The following TRAF3 variants were observed in gnomAD, a reference collection of about 807,000 sequenced individuals.
The protein encoded by TRAF3 is TNF receptor associated factor 3, also known as TNF receptor-associated factor 3.
Under a neutral mutation model 62.3 loss-of-function variants are expected in TRAF3, and 13 were observed. The ratio of observed to expected loss-of-function variants is 0.21; its 90% CI spans 0.14 to 0.33. TRAF3 has a LOEUF of 0.33. Ranked by LOEUF, TRAF3 falls within the 10% of genes least tolerant of loss-of-function variation. TRAF3 has a pLI of 1.00. For missense variants in TRAF3, 440 were observed against 741.8 expected (o/e 0.59, Z 4.73); for synonymous variants, 269 against 283.4 (o/e 0.95, Z 0.51).
intron 6 of TRAF3, among the ~76,000 whole-genome samples, chr14:102,879,539 G>A (rs1381228317): frequency 5.3e-5 from 8 of 152,064 alleles, no homozygotes; most frequent in African/African-American, 1.2e-4. Flanking sequence ...GATTATAGGC[G>A]TGAGCCATCG....
intron 1 of TRAF3, among the ~76,000 whole-genome samples, chr14:102,783,619 G>A (rs943907560): frequency 3.3e-5 from 5 of 152,100 alleles, no homozygotes; most frequent in African/African-American, 9.7e-5. Context: ...ACTCAGTAAC[G>A]TGGCTGATTG....
chr14:102,884,748 G>T (rs1028352376), intron 6 of TRAF3, among the ~76,000 whole-genome samples: 2 of 151,864 alleles, frequency 1.3e-5, no homozygotes, highest in African/African-American at 4.8e-5. Context: ...GGAGGCGGAG[G>T]TTGCTGTGAG....
intron 6 of TRAF3, among the ~76,000 whole-genome samples, chr14:102,877,086 C>A (rs1157963381): frequency 6.7e-6 from 1 of 150,184 alleles, no homozygotes; most frequent in Admixed American, 6.6e-5. Flanking sequence ...GTTCCACAGA[C>A]CTTGTGCTCG....
chr14:102,811,943 T>TTTTTTTTTTTG (rs1899206392), intron 1 of TRAF3, among the ~76,000 whole-genome samples: 2 of 130,776 alleles, frequency 1.5e-5, no homozygotes, highest in Non-Finnish European at 3.1e-5. Flanking sequence ...TTTTTTTTTT[T>TTTTTTTTTTTG]GTACAGACAG....
intron 2 of TRAF3, among the ~76,000 whole-genome samples, chr14:102,862,320 T>C (rs1887723560): frequency 6.7e-6 from 1 of 149,662 alleles, no homozygotes; most frequent in South Asian, 2.1e-4. Flanking sequence ...GATTGCTTGA[T>C]CCCAGGAGTT....
intron 6 of TRAF3, among the ~76,000 whole-genome samples, chr14:102,881,189 G>A (rs946771757): frequency 1.3e-5 from 2 of 152,102 alleles, no homozygotes; most frequent in Non-Finnish European, 2.9e-5. Context: ...TTCAAGACCA[G>A]CCTGGCCAAC....
At chr14:102,780,232 G>A (rs1261200611) in intron 1 of TRAF3, among the ~76,000 whole-genome samples, 1 of 152,164 alleles carries the variant, frequency 6.6e-6, no homozygotes, top group Admixed American at 6.5e-5. Flanking sequence ...GAGAGGTACA[G>A]GGGATAGGTG....
At chr14:102,902,338 T>C (rs1043260704) in intron 10 of TRAF3, among the ~76,000 whole-genome samples, 5 of 152,154 alleles carry the variant, frequency 3.3e-5, no homozygotes, top group African/African-American at 1.2e-4. Context: ...CTTGGGGCCC[T>C]TTCCTGCCAC....
chr14:102,808,540 C>T (rs1898916053), intron 1 of TRAF3, among the ~76,000 whole-genome samples: 1 of 151,192 alleles, frequency 6.6e-6, no homozygotes, highest in Non-Finnish European at 1.5e-5. Context: ...AAAGAAGAAC[C>T]ATACTAGTCA....
chr14:102,810,953 A>G (rs1242459429), intron 1 of TRAF3, among the ~76,000 whole-genome samples: 1 of 152,212 alleles, frequency 6.6e-6, no homozygotes, highest in Non-Finnish European at 1.5e-5. Flanking sequence ...ATCAAGAAGG[A>G]ATTCTTCAGG....
chr14:102,891,357 C>A lies in TRAF3; in HGVS notation c.759C>A (p.Ala253=). The stretch of plus-strand genomic sequence containing the variant: ...ACCAGCAGATCAAGGCCCACGAGGC[C>A]AGCTCCGCCGTGCAGCACGTCAACC... ...GTNQQIKAHE[A]SSAVQHVNLL... Residue 253 remains alanine (A), a synonymous_variant, in exon 9 of 12, where the codon GCC becomes GCA. Transcript: ENST00000392745. 1 of 1,613,542 alleles carries A rather than the reference C, an allele frequency of 6.2e-7. No homozygotes were observed. Among genetic ancestry groups the A allele is most frequent in the Non-Finnish European group, 8.5e-7 (1 of 1,179,910 alleles).
At chr14:102,880,815 C>T (rs193095073) in intron 6 of TRAF3, among the ~76,000 whole-genome samples, 50 of 152,316 alleles carry the variant, frequency 3.3e-4, no homozygotes, top group South Asian at 4.1e-4. Context: ...CCGTGGCTTA[C>T]GCCTATAATC....
chr14:102,782,673 C>T (rs1897315451), intron 1 of TRAF3, among the ~76,000 whole-genome samples: 1 of 150,424 alleles, frequency 6.6e-6, no homozygotes, highest in Non-Finnish European at 1.5e-5. Context: ...TTTTTTACTA[C>T]GATTTGTTCC....
chr14:102,867,481 C>T (rs1468738981), intron 2 of TRAF3, among the ~76,000 whole-genome samples: 1 of 152,062 alleles, frequency 6.6e-6, no homozygotes, highest in Non-Finnish European at 1.5e-5. Flanking sequence ...GGGAAAAGCA[C>T]AGAGCGGTAT....
At chr14:102,781,850 T>C (rs1897287382) in intron 1 of TRAF3, among the ~76,000 whole-genome samples, 1 of 150,168 alleles carries the variant, frequency 6.7e-6, no homozygotes, top group Non-Finnish European at 1.5e-5. Context: ...TGAAGTGCAG[T>C]GGCGCGATCT....
intron 2 of TRAF3, among the ~76,000 whole-genome samples, chr14:102,832,122 A>G (rs567245049): frequency 6.6e-6 from 1 of 152,100 alleles, no homozygotes; most frequent in East Asian, 1.9e-4. Context: ...AATTGTATAT[A>G]TATTTATCAT....
intron 2 of TRAF3, among the ~76,000 whole-genome samples, chr14:102,851,966 G>A (rs1420380950): frequency 6.6e-6 from 1 of 151,110 alleles, no homozygotes; most frequent in Admixed American, 6.6e-5. Context: ...GAGGCAGGAG[G>A]ATCGCTTCAG....
Position 102,792,259 on chromosome 14 carries a change from G to A in TRAF3, c.-157+14584G>A, listed in dbSNP as rs567144719. Among the ~76,000 whole-genome samples the A allele has an allele frequency of 1.2e-3, 178 of 151,174 alleles. 2 individuals are homozygous for A. Among genetic ancestry groups the A allele is most frequent in the Middle Eastern group, 6.8e-3 (2 of 292 alleles). On this transcript the variant is annotated intron_variant, in intron 1 of 11. Coordinates refer to ENST00000392745, the MANE Select transcript of TRAF3 (RefSeq NM_145725.3). ...CCTTCTTTAGCCTCCCCGGTAGCTG[G>A]GACTACTATAGGTGCAAGCTGCCAC...
rs7144996 is a variant in TRAF3, at chr14:102,789,439, A to C, written c.-157+11764A>C. Among the ~76,000 whole-genome samples, 1,184 of 150,924 alleles carry C rather than the reference A, an allele frequency of 7.8e-3. 21 individuals carry two copies. Among genetic ancestry groups the C allele is most frequent in the African/African-American group, 0.027 (1,125 of 41,408 alleles). ...AACTTATTCCCACCAGCAGTGTTCC[A>C]ATTTCAGGACATCTTTGCTAAATTT... On this transcript the variant is annotated intron_variant, in intron 1 of 11. Transcript: ENST00000392745.
Sources: allele counts gnomAD v4.1 joint callset (sites outside exome capture counted in the v4.1 genomes callset), GRCh38; gene constraint gnomAD v4.1.1; transcripts MANE v1.5; gene names NCBI Gene and HGNC (gene_info 2026-07-23, HGNC 2026-07-21).